The following EPSTI1 variants were observed in gnomAD, a reference collection of about 807,000 sequenced individuals.
EPSTI1 encodes the protein epithelial-stromal interaction protein 1.
A neutral mutation model predicts 49.9 loss-of-function variants in EPSTI1; 66 were observed. That is an observed-to-expected ratio of 1.32 (90% CI 1.08 to 1.62). EPSTI1 has a LOEUF of 1.62. Ranked by LOEUF, EPSTI1 falls within the 40% of genes most tolerant of loss-of-function variation. The pLI is 0.00. For missense variants in EPSTI1, 394 were observed against 365.5 expected (o/e 1.08, Z -0.64); for synonymous variants, 137 against 130.7 (o/e 1.05, Z -0.33).
At chr13:42,906,263 G>A (rs1434298373) in intron 8 of EPSTI1, among the ~76,000 whole-genome samples, 1 of 145,762 alleles carries the variant, frequency 6.9e-6, no homozygotes, top group African/African-American at 2.4e-5. Flanking sequence ...CTACAGAAGG[G>A]TCAACTATAC....
At chr13:42,906,273 C>A (rs1304229921) in intron 8 of EPSTI1, among the ~76,000 whole-genome samples, 1 of 137,204 alleles carries the variant, frequency 7.3e-6, no homozygotes, top group Non-Finnish European at 1.7e-5. Context: ...GTCAACTATA[C>A]AACAGACAGG....
intron 8 of EPSTI1, among the ~76,000 whole-genome samples, chr13:42,904,386 C>T (rs539335976): frequency 3.1e-4 from 47 of 152,128 alleles, no homozygotes; most frequent in Non-Finnish European, 4.7e-4. Context: ...AATATTAAAA[C>T]GATGAGATAA....
In EPSTI1 at chr13:42,955,886, G is replaced by GC. The variant is rs1566154269; in HGVS notation, c.490-1866_490-1865insG. ...TTGATGAAGAAGTATTTGGGGGGGG[G>GC]GGGAAGTAGTAGTAGTAGTATTTCT... On this transcript the variant is annotated intron_variant, in intron 5 of 10. Transcript: ENST00000313624. Among the ~76,000 whole-genome samples the GC allele has an allele frequency of 4.2e-5, 6 of 141,582 alleles. 1 individual carries two copies. In the East Asian group the frequency reaches 1.1e-3, roughly 27 times the overall value. The allele number at this position is 141,582 out of a possible 152,430, so 92.9% of individuals were successfully genotyped here. A position where few individuals can be genotyped will look rare whatever the true frequency, so the allele number is the denominator to read the frequency against.
chr13:42,977,784 G>A (rs9525717), intron 1 of EPSTI1, among the ~76,000 whole-genome samples: 44,119 of 152,102 alleles, frequency 0.29, 6,426 homozygotes, highest in South Asian at 0.43. Flanking sequence ...CTGTGAAATC[G>A]GGATAACTAT....
chr13:42,914,426 T>C (rs2037772845), intron 8 of EPSTI1, among the ~76,000 whole-genome samples: 1 of 151,498 alleles, frequency 6.6e-6, no homozygotes, highest in Non-Finnish European at 1.5e-5. Context: ...AATAATACAG[T>C]TAAAAAAAAA....
Position 42,887,239 on chromosome 13 carries a change from A to G in EPSTI1, c.*1255T>C, listed in dbSNP as rs913435058. ...GAGGGAAACCAAGAATATCCACATT[A>G]TTTACTCCAGAGAAACTTCCTGACA... On this transcript the variant is annotated 3_prime_UTR_variant, in exon 11 of 11. Coordinates refer to ENST00000313624, the MANE Select transcript of EPSTI1 (RefSeq NM_033255.5). 6.6e-6 allele frequency: 1 copy of G among 152,174 alleles called. No homozygotes were observed. Among genetic ancestry groups the G allele is most frequent in the Non-Finnish European group, 1.5e-5 (1 of 68,052 alleles). 9.4% of individuals were successfully genotyped at this position (152,174 alleles called of 1,614,324 possible).
intron 5 of EPSTI1, among the ~76,000 whole-genome samples, chr13:42,956,140 A>T (rs933502262): frequency 2.0e-5 from 3 of 152,232 alleles, no homozygotes; most frequent in African/African-American, 7.2e-5. Context: ...AAGCACTTAT[A>T]TGGATTGTCA....
At chr13:42,988,684 T>C (rs1242701821) in intron 1 of EPSTI1, among the ~76,000 whole-genome samples, 19 of 151,312 alleles carry the variant, frequency 1.3e-4, no homozygotes, top group Non-Finnish European at 7.4e-5. Context: ...TGAGCTGAGA[T>C]TGCGCTGTTG....
At chr13:42,963,618 GGT>G (rs1006184444) in intron 4 of EPSTI1, 217 of 416,698 alleles carry the variant, frequency 5.2e-4, no homozygotes, top group Middle Eastern at 1.2e-3. Context: ...ATGTGTGTGT[GGT>G]GTGTGTGTGT....
At chr13:42,890,193 A>G (rs2036988095) in intron 10 of EPSTI1, among the ~76,000 whole-genome samples, 1 of 152,068 alleles carries the variant, frequency 6.6e-6, no homozygotes. Flanking sequence ...ATGTGAATCT[A>G]TAGCTTATTT....
At chr13:42,981,575 T>C (rs1263542031) in intron 1 of EPSTI1, among the ~76,000 whole-genome samples, 1 of 152,244 alleles carries the variant, frequency 6.6e-6, no homozygotes, top group Non-Finnish European at 1.5e-5. Flanking sequence ...TGGAATCCAG[T>C]GCAGAAAAGT....
chr13:42,925,391 C>A (rs73468101), intron 7 of EPSTI1, among the ~76,000 whole-genome samples: 69 of 152,264 alleles, frequency 4.5e-4, no homozygotes, highest in African/African-American at 1.7e-3. Flanking sequence ...ACCAGGAGCA[C>A]CATGAGCACG....
At chr13:42,923,822 A>G (rs1419559002) in intron 7 of EPSTI1, among the ~76,000 whole-genome samples, 2 of 152,206 alleles carry the variant, frequency 1.3e-5, no homozygotes, top group African/African-American at 4.8e-5. Context: ...ACATTGACAT[A>G]ATTTTCTAGT....
intron 1 of EPSTI1, among the ~76,000 whole-genome samples, chr13:42,974,554 G>T (rs937904034): frequency 2.4e-4 from 36 of 151,860 alleles, no homozygotes; most frequent in Admixed American, 3.9e-4. Context: ...AGCTACTTGG[G>T]AGGCTGAGGC....
chr13:42,955,757 G>A (rs1032684161), intron 5 of EPSTI1, among the ~76,000 whole-genome samples: 1 of 151,712 alleles, frequency 6.6e-6, no homozygotes, highest in East Asian at 1.9e-4. Context: ...AGTCAAGATC[G>A]TGCCATTGCA....
At chr13:42,894,919 TGG>T in intron 10 of EPSTI1, 88 bp downstream of exon 10, 1 of 1,138,950 alleles carries the variant, frequency 8.8e-7, no homozygotes. Context: ...ACGTAATATC[TGG>T]GGAGAAGGCC....
chr13:42,991,150 G>A (rs1231375543), intron 1 of EPSTI1: 1 of 152,304 alleles, frequency 6.6e-6, no homozygotes, highest in Non-Finnish European at 1.5e-5. Flanking sequence ...TAGTTTATCT[G>A]CGAGTCTTGC....
At chr13:42,974,946 G>C (rs900959950) in intron 1 of EPSTI1, among the ~76,000 whole-genome samples, 6 of 152,010 alleles carry the variant, frequency 3.9e-5, no homozygotes, top group African/African-American at 9.7e-5. Context: ...AGAAAATTAA[G>C]TGAAAAACAT....
intron 9 of EPSTI1, among the ~76,000 whole-genome samples, chr13:42,898,173 T>C (rs1476610130): frequency 1.3e-5 from 2 of 152,224 alleles, no homozygotes; most frequent in East Asian, 3.9e-4. Context: ...TCTATTATAA[T>C]ACTCAGAGTT....
Sources: gnomAD v4.1 joint callset for allele counts (sites outside exome capture counted in the v4.1 genomes callset) on GRCh38, gnomAD v4.1.1 for gene constraint, MANE v1.5 for transcripts, NCBI Gene and HGNC (gene_info 2026-07-23, HGNC 2026-07-21) for gene names.